The following PRKG1 variants were observed in gnomAD, a reference collection of about 807,000 sequenced individuals.
PRKG1 encodes protein kinase cGMP-dependent 1.
In PRKG1, 35 loss-of-function variants were observed where a neutral mutation model predicts 88.1. The observed-to-expected ratio is 0.40, with a 90% CI of 0.30 to 0.53. The LOEUF (loss-of-function observed/expected upper bound fraction) is 0.53, where lower values mean the gene tolerates loss of function less well. Among genes scored for constraint, PRKG1 ranks in the 20% least tolerant of loss-of-function variants. The pLI, the probability that PRKG1 is intolerant of heterozygous loss-of-function variation, is 0.59. For missense variants in PRKG1, 540 were observed against 839.8 expected (o/e 0.64, Z 4.41); for synonymous variants, 303 against 292.5 (o/e 1.04, Z -0.37).
At chr10:51,469,289 A>G (rs1375444673) in intron 3 of PRKG1, among the ~76,000 whole-genome samples, 2 of 151,872 alleles carry the variant, frequency 1.3e-5, no homozygotes, top group Admixed American at 6.6e-5. Context: ...TCTCAGTATT[A>G]TAAGTATTTT....
chr10:51,901,148 A>G (rs1259665254), intron 4 of PRKG1, among the ~76,000 whole-genome samples: 2 of 152,078 alleles, frequency 1.3e-5, no homozygotes, highest in Admixed American at 6.6e-5. Context: ...TAGTCATTCC[A>G]GGATAAGCCT....
At chr10:51,257,294 A>G (rs1392110005) in intron 2 of PRKG1, among the ~76,000 whole-genome samples, 2 of 152,124 alleles carry the variant, frequency 1.3e-5, no homozygotes, top group African/African-American at 4.8e-5. Flanking sequence ...TAAGTTTAGC[A>G]GAGCTAGTGT....
At chr10:51,831,036 T>A (rs1839995032) in intron 4 of PRKG1, among the ~76,000 whole-genome samples, 1 of 152,142 alleles carries the variant, frequency 6.6e-6, no homozygotes, top group African/African-American at 2.4e-5. Context: ...CTGAGGTTTT[T>A]ATGAGACTAA....
At chr10:51,863,844 C>A (rs1840948362) in intron 4 of PRKG1, among the ~76,000 whole-genome samples, 1 of 152,168 alleles carries the variant, frequency 6.6e-6, no homozygotes, top group Admixed American at 6.6e-5. Context: ...ATATTTCTTT[C>A]ATGTTTAGCT....
rs544469236 is a variant in PRKG1, at chr10:51,415,631, G to C, written c.479-52092G>C. Among the ~76,000 whole-genome samples, 32 of 152,200 alleles carry C rather than the reference G, an allele frequency of 2.1e-4. No individual in the cohort carries two copies. In the South Asian group the frequency reaches 6.4e-3, roughly 31 times the overall value. On this transcript the variant is annotated intron_variant, in intron 2 of 17. Coordinates refer to ENST00000373980, the MANE Select transcript of PRKG1 (RefSeq NM_006258.4). ...ATTATTGATCACAATTTATCTAATA[G>C]CCAGTTCTTGAAACATTTGAAAGAA...
chr10:52,195,650 T>C (rs1437986986), intron 9 of PRKG1, among the ~76,000 whole-genome samples: 1 of 152,210 alleles, frequency 6.6e-6, no homozygotes, highest in East Asian at 1.9e-4. Flanking sequence ...AATTTGTTAA[T>C]TTTTATTTAC....
At chr10:52,239,352 A>AT (rs11436798) in intron 9 of PRKG1, among the ~76,000 whole-genome samples, 2 of 111,264 alleles carry the variant, frequency 1.8e-5, no homozygotes, top group African/African-American at 5.3e-5. Flanking sequence ...AATTAAAAAA[A>AT]AAAAAGAGAT....
chr10:52,224,549 C>A (rs12774162), intron 9 of PRKG1, among the ~76,000 whole-genome samples: 11 of 129,460 alleles, frequency 8.5e-5, no homozygotes, highest in Non-Finnish European at 1.6e-4. Context: ...TACCCATCAC[C>A]CAAGCAGTAT....
chr10:51,819,002 G>T (rs535709213), intron 4 of PRKG1, among the ~76,000 whole-genome samples: 1 of 18,146 alleles, frequency 5.5e-5, no homozygotes. Context: ...GCGAGACTCC[G>T]TCTCAAAAAA....
intron 2 of PRKG1, among the ~76,000 whole-genome samples, chr10:51,316,737 G>A (rs964618932): frequency 6.7e-6 from 1 of 150,160 alleles, no homozygotes; most frequent in African/African-American, 2.4e-5. Context: ...TTGCGATAAT[G>A]GTATTATTAC....
intron 2 of PRKG1, 41 bp downstream of exon 2, chr10:51,153,371 T>C: frequency 6.5e-7 from 1 of 1,532,574 alleles, no homozygotes; most frequent in African/African-American, 1.4e-5. Context: ...TCAAATATTC[T>C]TTTTTCATCT....
chr10:51,203,784 T>C (rs532405450), intron 2 of PRKG1, among the ~76,000 whole-genome samples: 1 of 152,352 alleles, frequency 6.6e-6, no homozygotes, highest in South Asian at 2.1e-4. Context: ...TCTTTAAACT[T>C]ACAAAATGAA....
intron 10 of PRKG1, among the ~76,000 whole-genome samples, chr10:52,271,021 A>T (rs1469440595): frequency 6.6e-6 from 1 of 152,060 alleles, no homozygotes; most frequent in Admixed American, 6.6e-5. Flanking sequence ...TACTCTTTTG[A>T]CAGAAGAACT....
intron 2 of PRKG1, among the ~76,000 whole-genome samples, chr10:51,322,063 A>G (rs1841471871): frequency 6.6e-6 from 1 of 152,124 alleles, no homozygotes; most frequent in Non-Finnish European, 1.5e-5. Flanking sequence ...TCAAGTTCTC[A>G]ATTGCTATGT....
intron 7 of PRKG1, among the ~76,000 whole-genome samples, chr10:52,089,015 T>C (rs953817620): frequency 6.6e-6 from 1 of 152,220 alleles, no homozygotes; most frequent in Non-Finnish European, 1.5e-5. Context: ...TGTTATACAA[T>C]GAACACGTTA....
At chr10:51,702,363 T>G (rs1210156616) in intron 3 of PRKG1, among the ~76,000 whole-genome samples, 3 of 152,228 alleles carry the variant, frequency 2.0e-5, no homozygotes, top group Non-Finnish European at 4.4e-5. Flanking sequence ...TAATACTTAT[T>G]GTTAACTCAA....
chr10:51,035,940 C>G (rs934649437), intron 1 of PRKG1, among the ~76,000 whole-genome samples: 17 of 152,086 alleles, frequency 1.1e-4, no homozygotes, highest in African/African-American at 3.9e-4. Context: ...TGGTAGCCTA[C>G]TTTTAATTCA....
At chr10:52,112,376 C>T (rs535506328) in intron 7 of PRKG1, among the ~76,000 whole-genome samples, 11 of 151,814 alleles carry the variant, frequency 7.2e-5, no homozygotes, top group South Asian at 2.1e-4. Context: ...GTAGCATATA[C>T]GTTAATAGTT....
chr10:51,508,191 C>T (rs770460302), intron 3 of PRKG1, among the ~76,000 whole-genome samples: 3 of 152,042 alleles, frequency 2.0e-5, no homozygotes, highest in African/African-American at 7.2e-5. Flanking sequence ...CAGGACCTGG[C>T]AAAGTGTTAA....
Sources: allele counts gnomAD v4.1 joint callset (sites outside exome capture counted in the v4.1 genomes callset), GRCh38; gene constraint gnomAD v4.1.1; transcripts MANE v1.5; gene names NCBI Gene and HGNC (gene_info 2026-07-23, HGNC 2026-07-21).